The following CSRP1 variants were observed in gnomAD, a reference collection of about 807,000 sequenced individuals.
The protein encoded by CSRP1 is cysteine and glycine rich protein 1, also known as cysteine and glycine-rich protein 1.
A neutral mutation model predicts 25.4 loss-of-function variants in CSRP1; 16 were observed. The ratio of observed to expected loss-of-function variants is 0.63; its 90% confidence interval spans 0.43 to 0.96. The LOEUF (loss-of-function observed/expected upper bound fraction) is 0.96, where lower values mean the gene tolerates loss of function less well. Ranked by LOEUF, CSRP1 falls within the 40% of genes least tolerant of loss-of-function variation. The pLI, the probability that CSRP1 is intolerant of heterozygous loss-of-function variation, is 0.00. For missense variants in CSRP1, 212 were observed against 243.6 expected (o/e 0.87, Z 0.86); for synonymous variants, 97 against 95.3 (o/e 1.02, Z -0.10).
chr1:201,491,232 A>T (rs959895693), intron 2 of CSRP1: 1 of 152,220 alleles, frequency 6.6e-6, no homozygotes, highest in Non-Finnish European at 1.5e-5. Context: ...GGAGTTTGAG[A>T]TCAGCCTGGG....
intron 5 of CSRP1, 106 bp downstream of exon 5, chr1:201,485,177 T>G: frequency 1.0e-6 from 1 of 971,358 alleles, no homozygotes; most frequent in Non-Finnish European, 1.7e-6. Context: ...GTTCAGATCT[T>G]GGATCCCAAG....
intron 4 of CSRP1, chr1:201,486,302 C>T (rs534666798): frequency 1.0e-6 from 1 of 975,804 alleles, no homozygotes; most frequent in Non-Finnish European, 1.2e-6. Context: ...CAGTTCCCAT[C>T]AACAGCTGGG....
intron 3 of CSRP1, 99 bp downstream of exon 3, chr1:201,490,077 C>CTTGGGTAAG: frequency 7.9e-7 from 1 of 1,260,192 alleles, no homozygotes; most frequent in East Asian, 2.5e-5. Context: ...TCTGAGCCTT[C>CTTGGGTAAG]CATTGCTTAC....
chr1:201,500,567 AGG>A (rs1368873964), intron 1 of CSRP1, among the ~76,000 whole-genome samples: 1 of 152,274 alleles, frequency 6.6e-6, no homozygotes, highest in Admixed American at 6.5e-5. Context: ...GTGAAAGGAC[AGG>A]GCTCTATTGC....
intron 4 of CSRP1, chr1:201,486,491 T>C: frequency 1.0e-6 from 1 of 985,536 alleles, no homozygotes; most frequent in Non-Finnish European, 1.2e-6. Context: ...ACCTTGCACA[T>C]TGGCTTCTCC....
chr1:201,484,130 A>C lies in CSRP1; in HGVS notation c.*583T>G, dbSNP rs1412091032. 5 of 655,456 alleles carry C rather than the reference A, an allele frequency of 7.6e-6. No individual in the cohort carries two copies. The highest frequency in any genetic ancestry group is 1.4e-5 in the Non-Finnish European group (5 of 351,394). 40.6% of individuals were successfully genotyped at this position (655,456 alleles called of 1,614,324 possible). ...CATTCCACAAAGACTCAAAGGCAAG[A>C]GGCCTGGAGAAGCAGGGGCTCCTAG... On this transcript the variant is annotated 3_prime_UTR_variant, in exon 6 of 6. Transcript: ENST00000340006.
In CSRP1 at chr1:201,484,114, A is replaced by G; in HGVS notation, c.*599T>C. 1 of 667,088 alleles carries G rather than the reference A, an allele frequency of 1.5e-6. No individual in the cohort carries two copies. Among genetic ancestry groups the G allele is most frequent in the South Asian group, 1.5e-5 (1 of 65,230 alleles). 41.3% of individuals were successfully genotyped at this position (667,088 alleles called of 1,614,324 possible). On this transcript the variant is annotated 3_prime_UTR_variant, in exon 6 of 6. Transcript: ENST00000340006. ...CTAGTGGGAGGCTATCCATTCCACA[A>G]AGACTCAAAGGCAAGAGGCCTGGAG... is the stretch of plus-strand genomic sequence containing the variant.
chr1:201,491,398 G>C (rs922798737), intron 2 of CSRP1: 2 of 152,198 alleles, frequency 1.3e-5, no homozygotes, highest in African/African-American at 4.8e-5. Context: ...CCAGCCATTT[G>C]CAAGTTTTTT....
intron 1 of CSRP1, among the ~76,000 whole-genome samples, chr1:201,503,313 T>A (rs1372179946): frequency 6.6e-6 from 1 of 152,216 alleles, no homozygotes; most frequent in Non-Finnish European, 1.5e-5. Context: ...TGTTGGTTAT[T>A]CCATGCTGAA....
intron 2 of CSRP1, 184 bp from the exon 3 acceptor site, chr1:201,490,528 G>A (rs538002072): frequency 3.5e-6 from 2 of 576,414 alleles, no homozygotes; most frequent in South Asian, 4.5e-5. Flanking sequence ...AGAGGGATGG[G>A]ATCTGCATAT....
At chr1:201,494,290 T>G (rs1426313023) in intron 2 of CSRP1, among the ~76,000 whole-genome samples, 1 of 152,048 alleles carries the variant, frequency 6.6e-6, no homozygotes, top group African/African-American at 2.4e-5. Flanking sequence ...TGACCCCTTA[T>G]GGTCAGTGAT....
At chr1:201,490,502 C>A in intron 2 of CSRP1, 158 bp from the exon 3 acceptor site, 2 of 663,926 alleles carry the variant, frequency 3.0e-6, no homozygotes, top group Non-Finnish European at 5.0e-6. Flanking sequence ...GCGGGATGGC[C>A]AATGGGTGGG....
intron 1 of CSRP1, 183 bp from the exon 2 acceptor site, chr1:201,496,487 C>T (rs118037576): frequency 1.5e-5 from 9 of 611,686 alleles, no homozygotes; most frequent in East Asian, 5.5e-5. Flanking sequence ...CGCACGTTCT[C>T]GGGGATTTCC....
intron 4 of CSRP1, chr1:201,486,903 A>G: frequency 8.0e-7 from 1 of 1,249,248 alleles, no homozygotes; most frequent in Non-Finnish European, 1.0e-6. Flanking sequence ...ATAATTTTCT[A>G]TTCTCATAAT....
rs980037444 is a variant in CSRP1 at position 201,484,808 on chromosome 1, G to T, written c.506-19C>A. On this transcript the variant is annotated intron_variant, in intron 5 of 5. Transcript: ENST00000340006. ...TAACATCCTGCAGAGAGAGGAGAGAGATAAGGGCATGTTCTTCCTCCACCC... is the reference window on the plus strand; with the variant it reads ...TAACATCCTGCAGAGAGAGGAGAGATATAAGGGCATGTTCTTCCTCCACCC... 6 of 1,605,598 alleles carry T rather than the reference G, an allele frequency of 3.7e-6. No individual in the cohort carries two copies. The highest frequency in any genetic ancestry group is 5.1e-6 in the Non-Finnish European group (6 of 1,176,470).
chr1:201,497,976 T>C (rs2102412826), intron 1 of CSRP1, among the ~76,000 whole-genome samples: 1 of 151,810 alleles, frequency 6.6e-6, no homozygotes, highest in Non-Finnish European at 1.5e-5. Flanking sequence ...CGCCATTGCA[T>C]TCCAGCCCGG....
At chr1:201,495,324 G>A (rs539015503) in intron 2 of CSRP1, among the ~76,000 whole-genome samples, 54 of 152,306 alleles carry the variant, frequency 3.5e-4, no homozygotes, top group African/African-American at 1.3e-3. Flanking sequence ...CATTTGAGGT[G>A]GAGGCTGCAG....
At chr1:201,489,111 C>T in intron 3 of CSRP1, 127 bp from the exon 4 acceptor site, 1 of 1,273,788 alleles carries the variant, frequency 7.9e-7, no homozygotes, top group African/African-American at 1.5e-5. Flanking sequence ...GCCAAAGTCA[C>T]AAAGGCTAGG....
chr1:201,496,680 GGAA>G (rs749267243), intron 1 of CSRP1: 33 of 226,722 alleles, frequency 1.5e-4, no homozygotes, highest in Admixed American at 5.4e-4. Context: ...AAGAGAATGT[GGAA>G]GAAGCAGACA....
Sources: gnomAD v4.1 joint callset for allele counts (sites outside exome capture counted in the v4.1 genomes callset) on GRCh38, gnomAD v4.1.1 for gene constraint, MANE v1.5 for transcripts, NCBI Gene and HGNC (gene_info 2026-07-23, HGNC 2026-07-21) for gene names.